RCAN2: variants seen among roughly 807,000 people sequenced by gnomAD.
RCAN2 encodes regulator of calcineurin 2.
A neutral mutation model predicts 23.6 loss-of-function variants in RCAN2; 9 were observed. The ratio of observed to expected loss-of-function variants is 0.38; its 90% CI spans 0.23 to 0.67. The LOEUF (loss-of-function observed/expected upper bound fraction) is 0.67, where lower values mean the gene tolerates loss of function less well. Ranked by LOEUF, RCAN2 falls within the 30% of genes least tolerant of loss-of-function variation. The pLI, the probability that RCAN2 is intolerant of heterozygous loss-of-function variation, is 0.51. For missense variants in RCAN2, 273 were observed against 302.3 expected, an observed-to-expected ratio of 0.90 and a Z score of 0.72; for synonymous variants, 109 against 115.7, an observed-to-expected ratio of 0.94 and a Z score of 0.37.
At chr6:46,297,796 T>C (rs1762769016) in intron 2 of RCAN2, among the ~76,000 whole-genome samples, 1 of 152,158 alleles carries the variant, frequency 6.6e-6, no homozygotes, top group African/African-American at 2.4e-5. Context: ...GAATGCTTCC[T>C]GCTAAAGTTA....
chr6:46,308,299 T>C (rs1029756406), intron 2 of RCAN2, among the ~76,000 whole-genome samples: 1 of 152,214 alleles, frequency 6.6e-6, no homozygotes, highest in African/African-American at 2.4e-5. Flanking sequence ...ACTCAATGTA[T>C]GTTAGACATT....
intron 2 of RCAN2, among the ~76,000 whole-genome samples, chr6:46,256,230 C>T (rs987268914): frequency 6.6e-6 from 1 of 151,810 alleles, no homozygotes; most frequent in Non-Finnish European, 1.5e-5. Context: ...ATTAGCTGGG[C>T]GTGGTGGCAC....
At chr6:46,435,203 A>G (rs577295342) in intron 2 of RCAN2, among the ~76,000 whole-genome samples, 1 of 152,336 alleles carries the variant, frequency 6.6e-6, no homozygotes, top group East Asian at 1.9e-4. Flanking sequence ...CAGTGATTAT[A>G]TAGGATTCCC....
intron 2 of RCAN2, among the ~76,000 whole-genome samples, chr6:46,402,191 C>G (rs1173616707): frequency 6.6e-6 from 1 of 152,178 alleles, no homozygotes; most frequent in African/African-American, 2.4e-5. Flanking sequence ...AGTTTACCAA[C>G]CGGCATGGAG....
chr6:46,305,062 C>A (rs1270150567), intron 2 of RCAN2, among the ~76,000 whole-genome samples: 2 of 152,082 alleles, frequency 1.3e-5, no homozygotes, highest in African/African-American at 2.4e-5. Context: ...CTGCCATAGC[C>A]AATTCTGTTA....
intron 2 of RCAN2, among the ~76,000 whole-genome samples, chr6:46,376,920 A>G (rs1582153464): frequency 6.6e-6 from 1 of 151,886 alleles, no homozygotes; most frequent in Non-Finnish European, 1.5e-5. Context: ...CTCATGTGGA[A>G]GTGTAGATAG....
At chr6:46,350,056 C>T (rs575999649) in intron 2 of RCAN2, among the ~76,000 whole-genome samples, 1 of 152,176 alleles carries the variant, frequency 6.6e-6, no homozygotes, top group African/African-American at 2.4e-5. Context: ...TTTATTACCA[C>T]CTATCACATC....
intron 2 of RCAN2, among the ~76,000 whole-genome samples, chr6:46,317,708 G>GC (rs753728275): frequency 1.6e-4 from 24 of 152,016 alleles, no homozygotes; most frequent in Non-Finnish European, 2.9e-4. Context: ...CTTCTGATCT[G>GC]CCCGCCTCGG....
chr6:46,307,327 A>T (rs1291515875), intron 2 of RCAN2, among the ~76,000 whole-genome samples: 1 of 152,134 alleles, frequency 6.6e-6, no homozygotes, highest in African/African-American at 2.4e-5. Flanking sequence ...GGAAACACAG[A>T]TGAGGGGTGT....
At chr6:46,395,174 C>T (rs1451657108) in intron 2 of RCAN2, among the ~76,000 whole-genome samples, 2 of 152,106 alleles carry the variant, frequency 1.3e-5, no homozygotes, top group Non-Finnish European at 2.9e-5. Context: ...CCAAGTCAGG[C>T]ATTCAGGGTG....
At chr6:46,274,078 T>G (rs1421192671) in intron 2 of RCAN2, among the ~76,000 whole-genome samples, 1 of 152,224 alleles carries the variant, frequency 6.6e-6, no homozygotes, top group Non-Finnish European at 1.5e-5. Context: ...TTATTTTATC[T>G]TTTACTTTCC....
At chr6:46,224,198 G>A (rs960849930) in intron 4 of RCAN2, among the ~76,000 whole-genome samples, 9 of 152,118 alleles carry the variant, frequency 5.9e-5, no homozygotes, top group Non-Finnish European at 1.2e-4. Context: ...GACTCCAGGT[G>A]GTGGGGTAAG....
At chr6:46,438,590 A>C (rs1347821257) in intron 2 of RCAN2, 1 of 152,376 alleles carries the variant, frequency 6.6e-6, no homozygotes, top group Non-Finnish European at 1.5e-5. Context: ...CCTGGTCACC[A>C]TGAGGAAAGC....
chr6:46,300,996 A>C (rs1582082083), intron 2 of RCAN2, among the ~76,000 whole-genome samples: 1 of 151,988 alleles, frequency 6.6e-6, no homozygotes. Context: ...CCGAAGTGCC[A>C]AAAATCCCCA....
intron 2 of RCAN2, among the ~76,000 whole-genome samples, chr6:46,296,968 A>T (rs544679594): frequency 2.2e-4 from 33 of 152,222 alleles, no homozygotes; most frequent in African/African-American, 7.7e-4. Context: ...TTATACCCAG[A>T]CACATCCACC....
At chr6:46,248,671 G>T in intron 3 of RCAN2, 52 bp downstream of exon 3, 1 of 1,412,070 alleles carries the variant, frequency 7.1e-7, no homozygotes, top group Non-Finnish European at 9.6e-7. Context: ...TTTTAAAATG[G>T]TAAAAAATAA....
At chr6:46,255,858 G>A (rs9463192) in intron 2 of RCAN2, among the ~76,000 whole-genome samples, 5,653 of 152,212 alleles carry the variant, frequency 0.037, 377 homozygotes, top group African/African-American at 0.13. Context: ...AGAAGCATAG[G>A]AGGAAGCCAG....
intron 2 of RCAN2, among the ~76,000 whole-genome samples, chr6:46,347,653 T>G (rs1456933132): frequency 1.3e-5 from 2 of 152,184 alleles, no homozygotes; most frequent in African/African-American, 4.8e-5. Flanking sequence ...ATATTCCAAT[T>G]CACTAAAATC....
At chr6:46,441,013 T>C (rs547602764) in intron 2 of RCAN2, among the ~76,000 whole-genome samples, 4 of 152,184 alleles carry the variant, frequency 2.6e-5, no homozygotes, top group Non-Finnish European at 5.9e-5. Context: ...AGACATGTGC[T>C]CTCTAGGTCT....
Sources: gnomAD v4.1 joint callset for allele counts (sites outside exome capture counted in the v4.1 genomes callset) on GRCh38, gnomAD v4.1.1 for gene constraint, MANE v1.5 for transcripts, NCBI Gene and HGNC (gene_info 2026-07-23, HGNC 2026-07-21) for gene names.